The following GDF1 variants were observed in gnomAD, a reference collection of about 807,000 sequenced individuals.
GDF1 encodes the protein growth differentiation factor 1, also known as embryonic growth/differentiation factor 1.
Under a neutral mutation model 7.4 loss-of-function variants are expected in GDF1, and 8 were observed. That is an observed-to-expected ratio of 1.09 (90% confidence interval 0.64 to 1.96). The LOEUF is 1.96. Ranked by LOEUF, GDF1 falls within the 30% of genes most tolerant of loss-of-function variation. GDF1 has a pLI of 0.00. For synonymous variants in GDF1, 311 were observed against 276.7 expected (o/e 1.12, Z -1.23); for missense variants, 574 against 551.5 (o/e 1.04, Z -0.41).
At position 18,870,401 on chromosome 19, in the gene GDF1, G is replaced by A. The variant is rs2055947094; in HGVS notation, c.-94C>T. 1.1e-5 allele frequency: 15 copies of A among 1,356,870 alleles called. No individual in the cohort carries two copies. The highest frequency in any genetic ancestry group is 1.5e-5 in the Non-Finnish European group (15 of 990,548). The allele number at this position is 1,356,870 out of a possible 1,614,324, so 84.1% of individuals were successfully genotyped here. On this transcript the variant is annotated 5_prime_UTR_variant, in exon 7 of 8. Transcript: ENST00000247005. This position sits in a 1 kb window ranked among gnomAD's most constrained non-coding sequence, Gnocchi z 5.1. ...GGGGCCGGTGTCCCCGGAGGGGCAG[G>A]GGTCCTGGGGGGCGTGGCCGGGAAC...
At chr19:18,882,849 C>T (rs1157523779) in intron 3 of GDF1, among the ~76,000 whole-genome samples, 10 of 151,712 alleles carry the variant, frequency 6.6e-5, no homozygotes, top group African/African-American at 9.7e-5. Context: ...CCCACCACCA[C>T]GCCCAGCTAA....
Position 18,869,035 on chromosome 19 carries a change from G to T in GDF1, c.681C>A (p.Cys227Ter), listed in dbSNP as rs121434422. 1,012 of 1,073,414 alleles carry T rather than the reference G, an allele frequency of 9.4e-4. No individual in the cohort carries two copies. Among genetic ancestry groups the T allele is most frequent in the Non-Finnish European group, 1.1e-3 (951 of 887,744 alleles). The allele number at this position is 1,073,414 out of a possible 1,614,324, so 66.5% of individuals were successfully genotyped here. Residue 227 changes from cysteine to a stop codon, truncating the protein, a stop_gained, in exon 8 of 8, where the codon TGC (cysteine) becomes TGA (stop). Coordinates refer to ENST00000247005, the MANE Select transcript of GDF1 (RefSeq NM_001492.6). LOFTEE classifies it low-confidence loss of function (END_TRUNC). ...GCAGCGAGGCCTCGGCCAGGCGCGC[G>T]CAGGCGGCAGGGGCCCGGGGGCGTA... ...LALRPRAPAA[C>*]ARLAEASLLL... is the part of the protein sequence containing the mutation.
At chr19:18,875,165 G>A (rs1056289811) in intron 6 of GDF1, among the ~76,000 whole-genome samples, 1 of 152,018 alleles carries the variant, frequency 6.6e-6, no homozygotes, top group Non-Finnish European at 1.5e-5. Flanking sequence ...AAGCCCAGGA[G>A]GTTGAGGCTG....
chr19:18,885,187 T>C (rs1568302383), intron 2 of GDF1, among the ~76,000 whole-genome samples: 1 of 152,168 alleles, frequency 6.6e-6, no homozygotes, highest in Non-Finnish European at 1.5e-5. Flanking sequence ...ATTATTATCA[T>C]TATATACATT....
Position 18,869,206 on chromosome 19 carries a change from C to T in GDF1, c.510G>A (p.Ala170=). 2 of 1,275,646 alleles carry T rather than the reference C, an allele frequency of 1.6e-6. No individual in the cohort carries two copies. The highest frequency in any genetic ancestry group is 2.2e-5 in the South Asian group (1 of 45,282). The allele number at this position is 1,275,646 out of a possible 1,614,324, so 79.0% of individuals were successfully genotyped here. ...CGGGGTCCGCGCCCGCGCCCTGGCC[C>T]GCTTGCGCCACGCTCAGCTCCCAGC... ...EGGWELSVAQ[A]GQGAGADPGP... The change falls in exon 8 of 8, where the codon GCG becomes GCA. Residue 170 remains alanine, a synonymous_variant. Transcript: ENST00000247005.
chr19:18,892,812 ACCCCCTTTCCTGT>A (rs757564243), intron 2 of GDF1, among the ~76,000 whole-genome samples: 54 of 151,616 alleles, frequency 3.6e-4, no homozygotes, highest in Non-Finnish European at 4.3e-4. Flanking sequence ...ACGGCCAGAT[ACCCCCTTTCCTGT>A]CCCCAGGGAT....
At chr19:18,880,526 A>C (rs1601165925) in intron 3 of GDF1, 91 bp from the exon 4 acceptor site, 1 of 1,307,482 alleles carries the variant, frequency 7.6e-7, no homozygotes. Flanking sequence ...CCTGGGCTAC[A>C]CCTCAGGCTC....
chr19:18,869,353 C>G lies in GDF1; in HGVS notation c.363G>C (p.Ala121=), dbSNP rs2055918012. The part of the protein sequence containing the change: ...PTRASEPASA[A]GHCPEWTVVF... ...CGACTGTCCACTCAGGGCAATGCCC[C>G]GCGGCCGAGGCAGGCTCCGAGGCCC... The change falls in exon 8 of 8, where the codon GCG becomes GCC. Residue 121 remains alanine (A), a synonymous_variant. Coordinates refer to ENST00000247005, the MANE Select transcript of GDF1 (RefSeq NM_001492.6). 1 of 1,532,146 alleles carries G rather than the reference C, an allele frequency of 6.5e-7. No individual in the cohort carries two copies. The highest frequency in any genetic ancestry group is 8.7e-7 in the Non-Finnish European group (1 of 1,146,672). The allele number at this position is 1,532,146 out of a possible 1,614,324, so 94.9% of individuals were successfully genotyped here.
chr19:18,879,065 G>T (rs2056125707), intron 5 of GDF1, 26 bp from the exon 6 acceptor site: 1 of 1,610,676 alleles, frequency 6.2e-7, no homozygotes, highest in African/African-American at 1.3e-5. Context: ...GGAGGTGCCA[G>T]TGAGAAGAAA....
intron 2 of GDF1, among the ~76,000 whole-genome samples, chr19:18,885,989 C>T (rs1169319393): frequency 6.6e-6 from 1 of 152,222 alleles, no homozygotes; most frequent in Admixed American, 6.5e-5. Context: ...TTCCCCTCCT[C>T]CTGCCTCCTG....
chr19:18,893,800 A>AG (rs2056557078), intron 1 of GDF1, among the ~76,000 whole-genome samples: 1 of 147,704 alleles, frequency 6.8e-6, no homozygotes, highest in Non-Finnish European at 1.5e-5. Flanking sequence ...GAGGGGAGTG[A>AG]GGGGGGAGGC....
chr19:18,869,385 GC>G lies in GDF1; in HGVS notation c.330del (p.Thr112ProfsTer54). 1 of 1,528,612 alleles carries G rather than the reference GC, an allele frequency of 6.5e-7. No individual in the cohort carries two copies. Among genetic ancestry groups the G allele is most frequent in the Non-Finnish European group, 8.7e-7 (1 of 1,144,350 alleles). The allele number at this position is 1,528,612 out of a possible 1,614,324, so 94.7% of individuals were successfully genotyped here. On this transcript the variant is annotated frameshift_variant, in exon 8 of 8. Transcript: ENST00000247005. LOFTEE classifies it low-confidence loss of function (END_TRUNC). ...NIVRHIPDRG[A>X]PTRASEPASA... is the part of the protein sequence containing the mutation. ...GAGGCAGGCTCCGAGGCCCGGGTGG[GC>G]GCACCTGGGGAGGTAGGAACAGGAA...
intron 3 of GDF1, chr19:18,881,897 C>T (rs1024921553): frequency 6.6e-6 from 1 of 152,284 alleles, no homozygotes. Context: ...GCCACCTCTG[C>T]CTCCCGGGTT....
intron 4 of GDF1, among the ~76,000 whole-genome samples, 176 bp downstream of exon 4, chr19:18,880,098 C>A (rs2056164614): frequency 6.6e-6 from 1 of 151,530 alleles, no homozygotes. Flanking sequence ...CTACTCCTTT[C>A]CTGTATAGCC....
chr19:18,889,571 C>T lies in GDF1; in HGVS notation c.-914+3845G>A, dbSNP rs181444520. Reference sequence around the variant, plus strand: ...TCCCCAGGAGCTGGGACCACAGGCACGCGCCACCATATCCAGCTAATTTTA... The same window carrying T: ...TCCCCAGGAGCTGGGACCACAGGCATGCGCCACCATATCCAGCTAATTTTA... On this transcript the variant is annotated intron_variant, in intron 2 of 7. Coordinates refer to ENST00000247005, the MANE Select transcript of GDF1 (RefSeq NM_001492.6). Among the ~76,000 whole-genome samples the T allele has an allele frequency of 2.6e-3, 389 of 152,290 alleles. 2 individuals carry two copies. The highest frequency in any genetic ancestry group is 4.5e-3 in the Non-Finnish European group (305 of 68,022).
chr19:18,868,876 G>A lies in GDF1; in HGVS notation c.840C>T (p.Gly280=). ...RRLYVSFREV[G]WHRWVIAPRG... ...GCGGCGCGATGACCCAGCGGTGCCA[G>A]CCCACCTCGCGGAAGCTCACGTACA... Residue 280 remains glycine (G), a synonymous_variant, in exon 8 of 8, where the codon GGC becomes GGT. Coordinates refer to ENST00000247005, the MANE Select transcript of GDF1 (RefSeq NM_001492.6). The A allele has an allele frequency of 7.0e-7, 1 of 1,434,910 alleles. No homozygotes were observed. Among genetic ancestry groups the A allele is most frequent in the Non-Finnish European group, 9.2e-7 (1 of 1,086,832 alleles). 88.9% of individuals were successfully genotyped at this position (1,434,910 alleles called of 1,614,324 possible).
At position 18,878,232 on chromosome 19, in the gene GDF1, A is replaced by G. The variant is rs1052186354; in HGVS notation, c.-313+698T>C. On this transcript the variant is annotated intron_variant, in intron 6 of 7. Coordinates refer to ENST00000247005, the MANE Select transcript of GDF1 (RefSeq NM_001492.6). This position sits in a 1 kb window ranked among gnomAD's most constrained non-coding sequence, Gnocchi z 4.6. ...TCAAACACTCCTCACGTTGCCTATG[A>G]GACACTGCACACCCGACTCTGCTTG... 1.0e-6 allele frequency: 1 copy of G among 985,446 alleles called. No individual in the cohort carries two copies. 61.0% of individuals were successfully genotyped at this position (985,446 alleles called of 1,614,324 possible).
chr19:18,884,140 C>T lies in GDF1; in HGVS notation c.-786G>A. 1.9e-6 allele frequency: 3 copies of T among 1,613,600 alleles called. No homozygotes were observed. The highest frequency in any genetic ancestry group is 2.5e-6 in the Non-Finnish European group (3 of 1,179,814). ...TGAGAGTGACCACGTGGTGGAGCAG[C>T]ATGACCACCGAGTCCTTGCGCCAGG... On this transcript the variant is annotated 5_prime_UTR_variant, in exon 3 of 8. The change abolishes an upstream ATG in the 5' untranslated region. Transcript: ENST00000247005.
At chr19:18,871,924 T>G (rs780883728) in intron 6 of GDF1, among the ~76,000 whole-genome samples, 2 of 152,206 alleles carry the variant, frequency 1.3e-5, no homozygotes, top group Non-Finnish European at 2.9e-5. Flanking sequence ...CTGGGATGAC[T>G]CCAGGGATTC....
Sources: allele counts gnomAD v4.1 joint callset (sites outside exome capture counted in the v4.1 genomes callset), GRCh38; gene constraint gnomAD v4.1.1; non-coding constraint Gnocchi (gnomAD v3.1); transcripts MANE v1.5; gene names NCBI Gene and HGNC (gene_info 2026-07-23, HGNC 2026-07-21).